Variants in DLGAP1 observed in about 807,000 individuals in gnomAD.
DLGAP1 encodes DLG associated protein 1.
A neutral mutation model predicts 90.8 loss-of-function variants in DLGAP1; 11 were observed. That is an observed-to-expected ratio of 0.12 (90% CI 0.08 to 0.20). The LOEUF (loss-of-function observed/expected upper bound fraction) is 0.20. Ranked by LOEUF, DLGAP1 falls within the 10% of genes least tolerant of loss-of-function variation. The probability of loss-of-function intolerance (pLI) is 1.00; values close to 1 mark genes in which losing one functional copy is unlikely to be tolerated. For synonymous variants in DLGAP1, 558 were observed against 540.7 expected (o/e 1.03, Z -0.44); for missense variants, 1,050 against 1,333.8 (o/e 0.79, Z 3.31).
chr18:3,874,404 C>A lies in DLGAP1; in HGVS notation c.957+4708G>T, dbSNP rs8096303. 20 of 1,445,748 alleles carry A rather than the reference C, an allele frequency of 1.4e-5. No homozygotes were observed. The African/African-American group carries it at 2.6e-4, about 19-fold the overall frequency. The allele number at this position is 1,445,748 out of a possible 1,614,324, so 89.6% of individuals were successfully genotyped here. ...AAATACACTGTTTGAAGGGATTTTT[C>A]TTTTAGGTTAACAGTTGGAAATCTA... On this transcript the variant is annotated intron_variant, in intron 4 of 12. Transcript: ENST00000315677.
intron 7 of DLGAP1, chr18:3,606,690 G>A (rs926931469): frequency 4.6e-5 from 7 of 152,128 alleles, no homozygotes; most frequent in African/African-American, 1.7e-4. Context: ...CACGTAATGG[G>A]ATTACGGGTG....
At chr18:4,450,092 C>A (rs746168740) in intron 1 of DLGAP1, among the ~76,000 whole-genome samples, 11 of 152,176 alleles carry the variant, frequency 7.2e-5, no homozygotes, top group Non-Finnish European at 1.6e-4. Flanking sequence ...TGTGCCTTGT[C>A]TTTTTGCTAG....
At chr18:3,539,331 C>A (rs2052557064) in intron 9 of DLGAP1, among the ~76,000 whole-genome samples, 1 of 152,218 alleles carries the variant, frequency 6.6e-6, no homozygotes, top group Non-Finnish European at 1.5e-5. Context: ...TGTTTCCCAA[C>A]CCACAGTTTT....
intron 3 of DLGAP1, among the ~76,000 whole-genome samples, chr18:3,993,588 T>C (rs1244143789): frequency 6.6e-6 from 1 of 152,156 alleles, no homozygotes; most frequent in Non-Finnish European, 1.5e-5. Context: ...ATTTGAATTA[T>C]TATTTATTTT....
intron 5 of DLGAP1, among the ~76,000 whole-genome samples, chr18:3,762,949 C>G (rs978854457): frequency 3.9e-5 from 6 of 152,204 alleles, no homozygotes; most frequent in African/African-American, 1.2e-4. Flanking sequence ...CCATTATCAT[C>G]CACATTCTGT....
chr18:3,592,173 G>A (rs1157267255), intron 7 of DLGAP1, among the ~76,000 whole-genome samples: 3 of 152,206 alleles, frequency 2.0e-5, no homozygotes, highest in African/African-American at 7.2e-5. Flanking sequence ...GCTCCAACGA[G>A]GCTGTCTGGT....
chr18:4,338,649 T>G (rs2081124091), intron 1 of DLGAP1, among the ~76,000 whole-genome samples: 1 of 152,172 alleles, frequency 6.6e-6, no homozygotes, highest in African/African-American at 2.4e-5. Context: ...TGTACATTCT[T>G]TGTATGGCAA....
intron 7 of DLGAP1, among the ~76,000 whole-genome samples, chr18:3,720,110 C>G (rs745434594): frequency 6.6e-6 from 1 of 151,964 alleles, no homozygotes; most frequent in Non-Finnish European, 1.5e-5. Context: ...TATTATGTAC[C>G]CTTTTGAAAC....
At chr18:4,248,857 C>T (rs1488819290) in intron 1 of DLGAP1, 1 of 152,526 alleles carries the variant, frequency 6.6e-6, no homozygotes, top group Non-Finnish European at 1.5e-5. Context: ...CCTTCATACC[C>T]CGCCGGCCAC....
intron 1 of DLGAP1, among the ~76,000 whole-genome samples, chr18:4,360,191 T>C (rs753474121): frequency 2.0e-5 from 3 of 152,194 alleles, no homozygotes; most frequent in African/African-American, 4.8e-5. Flanking sequence ...TGGCTGAGGA[T>C]AGAGCTCCAA....
rs575369187 is a variant in DLGAP1, at chr18:3,534,478, C to T, written c.2195G>A (p.Arg732His). The T allele has an allele frequency of 1.2e-5, 19 of 1,614,042 alleles. No individual in the cohort carries two copies. The highest frequency in any genetic ancestry group is 6.7e-5 in the East Asian group (3 of 44,890). ...CPGPMARQFS[R>H]DASTSTVSIQ... Reference sequence around the variant, plus strand: ...GCTGACTGTGGAGGTGCTGGCATCGCGGGAGAACTGTCTGGCCATGGGGCC... The same window carrying T: ...GCTGACTGTGGAGGTGCTGGCATCGTGGGAGAACTGTCTGGCCATGGGGCC... Residue 732 changes from arginine to histidine, a missense_variant, in exon 10 of 13, where the codon CGC (arginine) becomes CAC (histidine). Transcript: ENST00000315677.
At chr18:3,613,477 T>A (rs1042014957) in intron 7 of DLGAP1, among the ~76,000 whole-genome samples, 2 of 152,038 alleles carry the variant, frequency 1.3e-5, no homozygotes, top group Non-Finnish European at 2.9e-5. Context: ...GGACCATGGG[T>A]GCATGCTACC....
intron 1 of DLGAP1, among the ~76,000 whole-genome samples, chr18:4,287,480 TGG>T (rs2079727314): frequency 1.3e-5 from 2 of 152,166 alleles, no homozygotes; most frequent in African/African-American, 4.8e-5. Flanking sequence ...GGATAAAATG[TGG>T]CACACATACA....
At chr18:3,585,458 C>T (rs759728544) in intron 7 of DLGAP1, among the ~76,000 whole-genome samples, 3 of 152,200 alleles carry the variant, frequency 2.0e-5, no homozygotes, top group Non-Finnish European at 4.4e-5. Context: ...CAGCATTGTA[C>T]CACTTCTCCT....
chr18:4,185,140 TG>T (rs1455853837), intron 1 of DLGAP1, among the ~76,000 whole-genome samples: 20 of 152,096 alleles, frequency 1.3e-4, no homozygotes, highest in Non-Finnish European at 2.2e-4. Context: ...TTGCAAAAGG[TG>T]TGAGTGAATG....
intron 1 of DLGAP1, among the ~76,000 whole-genome samples, chr18:4,211,417 A>G (rs1234422702): frequency 6.6e-6 from 1 of 152,230 alleles, no homozygotes; most frequent in Non-Finnish European, 1.5e-5. Flanking sequence ...AGAAAGGGTT[A>G]TCAAGGGAGA....
chr18:3,776,555 T>C (rs766668619), intron 5 of DLGAP1, among the ~76,000 whole-genome samples: 2 of 152,166 alleles, frequency 1.3e-5, no homozygotes, highest in Admixed American at 6.5e-5. Context: ...ATGACCACTC[T>C]TGGGGCTGTG....
At chr18:3,757,466 C>T (rs1444078760) in intron 5 of DLGAP1, among the ~76,000 whole-genome samples, 1 of 151,844 alleles carries the variant, frequency 6.6e-6, no homozygotes, top group Non-Finnish European at 1.5e-5. Flanking sequence ...TACTAATAGC[C>T]CTCATTAATA....
intron 3 of DLGAP1, among the ~76,000 whole-genome samples, chr18:3,990,140 C>A (rs1174236116): frequency 2.0e-5 from 3 of 152,134 alleles, no homozygotes; most frequent in East Asian, 3.9e-4. Flanking sequence ...TGGGTATATA[C>A]CCAAAGGATT....
Sources: gnomAD v4.1 joint callset for allele counts (sites outside exome capture counted in the v4.1 genomes callset) on GRCh38, gnomAD v4.1.1 for gene constraint, MANE v1.5 for transcripts, NCBI Gene and HGNC (gene_info 2026-07-23, HGNC 2026-07-21) for gene names.